RIOK3: variants seen among roughly 807,000 people sequenced by gnomAD.
The protein encoded by RIOK3 is RIO kinase 3.
A neutral mutation model predicts 63.5 loss-of-function variants in RIOK3; 40 were observed. That is an observed-to-expected ratio of 0.63 (90% CI 0.49 to 0.82). The LOEUF (loss-of-function observed/expected upper bound fraction) is 0.82, where lower values mean the gene tolerates loss of function less well. Ranked by LOEUF, RIOK3 falls within the 40% of genes least tolerant of loss-of-function variation. The pLI, the probability that RIOK3 is intolerant of heterozygous loss-of-function variation, is 0.00. For synonymous variants in RIOK3, 193 were observed against 205.0 expected (o/e 0.94, Z 0.50); for missense variants, 557 against 637.0 (o/e 0.87, Z 1.35).
intron 1 of RIOK3, 86 bp downstream of exon 1, chr18:23,453,588 G>A (rs2057318222): frequency 5.8e-6 from 7 of 1,203,196 alleles, no homozygotes; most frequent in African/African-American, 1.5e-5. Context: ...CTTCGTGGGC[G>A]ATTCGGGAAG....
intron 1 of RIOK3, among the ~76,000 whole-genome samples, chr18:23,454,119 T>A (rs2057322837): frequency 6.6e-6 from 1 of 152,240 alleles, no homozygotes; most frequent in Non-Finnish European, 1.5e-5. Flanking sequence ...TCACATTTGC[T>A]TTCTGGTTTC....
chr18:23,472,322 G>C (rs1047018042), intron 7 of RIOK3, among the ~76,000 whole-genome samples: 1 of 151,948 alleles, frequency 6.6e-6, no homozygotes, highest in South Asian at 2.1e-4. Flanking sequence ...GAGAAGGAAG[G>C]TTTCTTAGAA....
chr18:23,473,240 A>T (rs7244132), intron 7 of RIOK3, among the ~76,000 whole-genome samples, 189 bp from the exon 8 acceptor site: 48,010 of 152,034 alleles, frequency 0.32, 7,905 homozygotes, highest in East Asian at 0.39. Context: ...ATTTGAAAGT[A>T]TATTTTATTT....
At chr18:23,455,461 C>T (rs375070477) in intron 1 of RIOK3, among the ~76,000 whole-genome samples, 3 of 150,444 alleles carry the variant, frequency 2.0e-5, no homozygotes, top group South Asian at 4.2e-4. Flanking sequence ...GGCGCGATCT[C>T]GGCTCACTGC....
At chr18:23,474,660 T>C (rs549274919) in intron 8 of RIOK3, among the ~76,000 whole-genome samples, 33 of 152,352 alleles carry the variant, frequency 2.2e-4, no homozygotes, top group Admixed American at 7.2e-4. Context: ...GGCTAATTCC[T>C]GTTCCCTACC....
At position 23,462,942 on chromosome 18, in the gene RIOK3, GTTCTTTT is replaced by G; in HGVS notation, c.64-11_64-5del. ...TTATTTCATTATGATGAATTGAGCT[GTTCTTTT>G]TTCTTTTTTCATAGTGTCCATGGGC... On this transcript the variant is annotated splice_polypyrimidine_tract_variant and intron_variant, in intron 1 of 12. Coordinates refer to ENST00000339486, the MANE Select transcript of RIOK3 (RefSeq NM_003831.5). 2.6e-6 allele frequency: 3 copies of G among 1,149,168 alleles called. No individual in the cohort carries two copies. The highest frequency in any genetic ancestry group is 3.6e-6 in the Non-Finnish European group (3 of 826,350). 71.2% of individuals were successfully genotyped at this position (1,149,168 alleles called of 1,614,324 possible).
chr18:23,461,347 TA>T (rs1443878656), intron 1 of RIOK3, among the ~76,000 whole-genome samples: 1 of 152,182 alleles, frequency 6.6e-6, no homozygotes, highest in Non-Finnish European at 1.5e-5. Context: ...TGGGAAACAA[TA>T]AAAAAGATTT....
chr18:23,478,826 G>A (rs1475054839), intron 11 of RIOK3, among the ~76,000 whole-genome samples: 1 of 151,984 alleles, frequency 6.6e-6, no homozygotes, highest in Admixed American at 6.6e-5. Flanking sequence ...CTGGGGTTTA[G>A]TGAAAGTATT....
At chr18:23,463,275 T>C in intron 2 of RIOK3, 196 bp downstream of exon 2, 1 of 463,572 alleles carries the variant, frequency 2.2e-6, no homozygotes, top group South Asian at 3.5e-5. Flanking sequence ...ACTGTTTCTG[T>C]GGGTTTTAGT....
chr18:23,455,689 G>A (rs534295086), intron 1 of RIOK3, among the ~76,000 whole-genome samples: 38 of 152,086 alleles, frequency 2.5e-4, no homozygotes, highest in African/African-American at 8.4e-4. Context: ...CTGTCACCCA[G>A]GCTGGAGTGC....
In RIOK3 at chr18:23,467,449, C is replaced by T. The variant is rs372826480; in HGVS notation, c.738C>T (p.Asn246=). 4.7e-5 allele frequency: 76 copies of T among 1,613,056 alleles called. No individual in the cohort carries two copies. The highest frequency in any genetic ancestry group is 6.0e-5 in the Non-Finnish European group (71 of 1,179,352). The change falls in exon 7 of 13, where the codon AAC becomes AAT. Residue 246 remains asparagine, a synonymous_variant. Transcript: ENST00000339486. The stretch of plus-strand genomic sequence containing the variant: ...GTTTACTTATGTATAAAATGGTCAA[C>T]TCTGGAATGTTGGAGACAATCACTG... ...KTRLLMYKMV[N]SGMLETITGC... is the part of the protein sequence containing the mutation.
intron 7 of RIOK3, among the ~76,000 whole-genome samples, chr18:23,472,494 T>C (rs2057462775): frequency 6.6e-6 from 1 of 152,190 alleles, no homozygotes; most frequent in South Asian, 2.1e-4. Flanking sequence ...AATATTAATA[T>C]TGTTTCTCAT....
intron 7 of RIOK3, among the ~76,000 whole-genome samples, chr18:23,470,400 C>G (rs2057448924): frequency 6.6e-6 from 1 of 151,698 alleles, no homozygotes; most frequent in Non-Finnish European, 1.5e-5. Flanking sequence ...GTATAAAAAG[C>G]TAGTTGCAGA....
At position 23,458,476 on chromosome 18, in the gene RIOK3, G is replaced by A. The variant is rs55823113; in HGVS notation, c.64-4488G>A. ...ACAGGAAAGAAAGAACCAGGAGGCT[G>A]GTTAAAAGCTTGATGGATGTCCTTT... is the stretch of plus-strand genomic sequence containing the variant. On this transcript the variant is annotated intron_variant, in intron 1 of 12. Coordinates refer to ENST00000339486, the MANE Select transcript of RIOK3 (RefSeq NM_003831.5). Among the ~76,000 whole-genome samples, 402 of 152,252 alleles carry A rather than the reference G, an allele frequency of 2.6e-3. 3 individuals carry two copies. Among genetic ancestry groups the A allele is most frequent in the African/African-American group, 9.2e-3 (383 of 41,544 alleles).
intron 7 of RIOK3, among the ~76,000 whole-genome samples, chr18:23,469,635 A>G (rs751344406): frequency 5.3e-5 from 8 of 151,138 alleles, no homozygotes; most frequent in Non-Finnish European, 7.4e-5. Context: ...TTACAGGTAC[A>G]CACTACCATG....
At chr18:23,466,033 C>T in intron 5 of RIOK3, 100 bp from the exon 6 acceptor site, 1 of 825,814 alleles carries the variant, frequency 1.2e-6, no homozygotes, top group Non-Finnish European at 1.8e-6. Flanking sequence ...GTGTGATCAT[C>T]TATTGAGTAA....
At chr18:23,478,489 G>A (rs1458474358) in intron 11 of RIOK3, among the ~76,000 whole-genome samples, 2 of 151,974 alleles carry the variant, frequency 1.3e-5, no homozygotes, top group Non-Finnish European at 2.9e-5. Context: ...TTACTAGGGA[G>A]GCTGAGGCAG....
chr18:23,468,293 C>CTTTTTTTTTT (rs1245472469), intron 7 of RIOK3, among the ~76,000 whole-genome samples: 15 of 46,476 alleles, frequency 3.2e-4, no homozygotes, highest in South Asian at 7.1e-4. Context: ...CAATATACTC[C>CTTTTTTTTTT]TTTTTTTTTT....
chr18:23,477,402 G>A (rs1466492875), intron 11 of RIOK3, 134 bp downstream of exon 11: 1 of 691,508 alleles, frequency 1.4e-6, no homozygotes, highest in Admixed American at 2.4e-5. Context: ...TCAGGACAAG[G>A]ATATAAAGAT....
Sources: allele counts gnomAD v4.1 joint callset (sites outside exome capture counted in the v4.1 genomes callset), GRCh38; gene constraint gnomAD v4.1.1; transcripts MANE v1.5; gene names NCBI Gene and HGNC (gene_info 2026-07-23, HGNC 2026-07-21).